The following ZNF25 variants were observed in gnomAD, a reference collection of about 807,000 sequenced individuals.
ZNF25 encodes zinc finger protein 25, also known as zinc finger protein 25 (KOX 19).
ZNF25 carries 21 observed loss-of-function variants against 30.9 expected under a neutral mutation model. The ratio of observed to expected loss-of-function variants is 0.68; its 90% CI spans 0.48 to 0.98. The LOEUF (loss-of-function observed/expected upper bound fraction) is 0.98. Ranked by LOEUF, ZNF25 falls within the 50% of genes least tolerant of loss-of-function variation. The pLI, the probability that ZNF25 is intolerant of heterozygous loss-of-function variation, is 0.00. For missense variants in ZNF25, 501 were observed against 529.9 expected (o/e 0.95, Z 0.54); for synonymous variants, 169 against 181.3 (o/e 0.93, Z 0.55).
chr10:37,976,619 C>T lies in ZNF25; in HGVS notation c.-199G>A, dbSNP rs1022293293. The stretch of plus-strand genomic sequence containing the variant: ...CTCTCCCCACCCTAGGGCGTAAGAC[C>T]AAAAAAACGCCAATGCCAGAAAGAA... On this transcript the variant is annotated 5_prime_UTR_variant, in exon 1 of 6. Coordinates refer to ENST00000302609, the MANE Select transcript of ZNF25 (RefSeq NM_145011.4). The T allele has an allele frequency of 6.6e-6, 1 of 152,098 alleles. No individual in the cohort carries two copies. The highest frequency in any genetic ancestry group is 2.4e-5 in the African/African-American group (1 of 41,384). 9.4% of individuals were successfully genotyped at this position (152,098 alleles called of 1,614,324 possible). A position where few individuals can be genotyped will look rare whatever the true frequency, so the allele number is the denominator to read the frequency against.
chr10:37,952,611 GAGA>G lies in ZNF25; in HGVS notation c.884_886del (p.Phe295del). Reference sequence around the variant, plus strand: ...ATGAGTTTTGAGGTGTGAATTCCTAGAGAAGAATTTCCCACATTCCTTACATTT... The same window carrying G: ...ATGAGTTTTGAGGTGTGAATTCCTAGAGAATTTCCCACATTCCTTACATTT... On this transcript the variant is annotated inframe_deletion, in exon 6 of 6. Coordinates refer to ENST00000302609, the MANE Select transcript of ZNF25 (RefSeq NM_145011.4). 1 of 1,612,364 alleles carries G rather than the reference GAGA, an allele frequency of 6.2e-7. No individual in the cohort carries two copies.
intron 2 of ZNF25, among the ~76,000 whole-genome samples, chr10:37,966,741 C>G (rs1437768074): frequency 6.6e-5 from 10 of 152,120 alleles, no homozygotes; most frequent in African/African-American, 2.2e-4. Context: ...TACAATTTCA[C>G]ATGAGATTTG....
rs777456786 is a variant in ZNF25 at position 37,952,780 on chromosome 10, A to G, written c.718T>C (p.Tyr240His). The G allele has an allele frequency of 6.2e-7, 1 of 1,613,838 alleles. No homozygotes were observed. Among genetic ancestry groups the G allele is most frequent in the South Asian group, 1.1e-5 (1 of 91,070 alleles). ...FECTECGKFFYVKAYLMVHQK... is the reference protein window; with the variant it reads ...FECTECGKFFHVKAYLMVHQK... The stretch of plus-strand genomic sequence containing the variant: ...TGTACCATGAGGTATGCCTTCACAT[A>G]GAAGAACTTCCCACATTCAGTACAT... The change falls in exon 6 of 6, where the codon TAT (tyrosine) becomes CAT (histidine). Residue 240 changes from tyrosine to histidine, a missense_variant. By Grantham distance (83) the Tyr-to-His change is moderately conservative. Transcript: ENST00000302609.
chr10:37,953,474 T>G, intron 5 of ZNF25: 1 of 613,084 alleles, frequency 1.6e-6, no homozygotes, highest in Non-Finnish European at 2.8e-6. Flanking sequence ...CATTACTTAA[T>G]TCAGAAGAGT....
At chr10:37,961,719 C>T (rs559435369) in intron 2 of ZNF25, among the ~76,000 whole-genome samples, 5 of 148,778 alleles carry the variant, frequency 3.4e-5, no homozygotes, top group Admixed American at 2.0e-4. Context: ...GTCGGGAGTT[C>T]GAGACCAGCC....
At chr10:37,959,970 A>C (rs2062760551) in intron 2 of ZNF25, among the ~76,000 whole-genome samples, 1 of 151,738 alleles carries the variant, frequency 6.6e-6, no homozygotes, top group African/African-American at 2.4e-5. Flanking sequence ...GCTGGAGTGC[A>C]GGGGCGCGAT....
chr10:37,962,326 C>T (rs930562276), intron 2 of ZNF25, among the ~76,000 whole-genome samples: 6 of 150,964 alleles, frequency 4.0e-5, no homozygotes, highest in African/African-American at 9.8e-5. Flanking sequence ...AAATTTAAAA[C>T]GGACTGCTTA....
chr10:37,961,474 C>T (rs2062866957), intron 2 of ZNF25, among the ~76,000 whole-genome samples: 1 of 152,028 alleles, frequency 6.6e-6, no homozygotes. Context: ...AATTCCATGC[C>T]CTGCCAAATT....
At chr10:37,968,357 A>ATT (rs34698067) in intron 2 of ZNF25, among the ~76,000 whole-genome samples, 36 of 139,730 alleles carry the variant, frequency 2.6e-4, no homozygotes, top group Middle Eastern at 3.4e-3. Flanking sequence ...CACCCGGCCA[A>ATT]TTTTTTTTTT....
chr10:37,966,181 G>A (rs1031747378), intron 2 of ZNF25, among the ~76,000 whole-genome samples: 3 of 152,268 alleles, frequency 2.0e-5, no homozygotes, highest in South Asian at 2.1e-4. Flanking sequence ...CACCTTGGGA[G>A]GCTGAGGTGA....
intron 2 of ZNF25, among the ~76,000 whole-genome samples, chr10:37,960,329 T>C (rs938449742): frequency 2.6e-5 from 4 of 151,434 alleles, no homozygotes; most frequent in African/African-American, 9.7e-5. Flanking sequence ...AAGGAAGCTG[T>C]GGGGGCCGGG....
chr10:37,963,817 A>AT (rs2135388896), intron 2 of ZNF25, among the ~76,000 whole-genome samples: 1 of 152,298 alleles, frequency 6.6e-6, no homozygotes, highest in South Asian at 2.1e-4. Context: ...TCTACTAAAA[A>AT]TACAAAAATT....
In ZNF25 at chr10:37,953,694, C is replaced by T. The variant is rs1280823054; in HGVS notation, c.302+1G>A. On this transcript the variant is annotated splice_donor_variant, in intron 5 of 5. Transcript: ENST00000302609. LOFTEE classifies it high-confidence loss of function. ...TCTTAAACATTAATTCTTGAACTTGCCTTGAATTTCCAGCTTGGCTTTCCT... is the reference window on the plus strand; with the variant it reads ...TCTTAAACATTAATTCTTGAACTTGTCTTGAATTTCCAGCTTGGCTTTCCT... The T allele has an allele frequency of 1.2e-6, 2 of 1,613,650 alleles. No individual in the cohort carries two copies. Among genetic ancestry groups the T allele is most frequent in the Non-Finnish European group, 1.7e-6 (2 of 1,179,788 alleles).
rs2062142661 is a variant in ZNF25, at chr10:37,951,510, AC to A, written c.*616del. The A allele has an allele frequency of 6.6e-6, 1 of 152,236 alleles. No homozygotes were observed. The highest frequency in any genetic ancestry group is 1.5e-5 in the Non-Finnish European group (1 of 68,048). The allele number at this position is 152,236 out of a possible 1,614,324, so 9.4% of individuals were successfully genotyped here. A position where few individuals can be genotyped will look rare whatever the true frequency, so the allele number is the denominator to read the frequency against. ...GAGCAATCTCGGCATCAGATCTGCA[AC>A]ATGATTTGTAGTATAACTGTTTCCC... is the stretch of plus-strand genomic sequence containing the variant. On this transcript the variant is annotated 3_prime_UTR_variant, in exon 6 of 6. Coordinates refer to ENST00000302609, the MANE Select transcript of ZNF25 (RefSeq NM_145011.4).
At chr10:37,955,683 ATTTC>A (rs1260031966) in intron 4 of ZNF25, among the ~76,000 whole-genome samples, 1 of 152,072 alleles carries the variant, frequency 6.6e-6, no homozygotes, top group South Asian at 2.1e-4. Flanking sequence ...TATATTTATT[ATTTC>A]TTTTTTTCAT....
At chr10:37,969,340 C>T (rs943819629) in intron 2 of ZNF25, among the ~76,000 whole-genome samples, 1 of 152,104 alleles carries the variant, frequency 6.6e-6, no homozygotes, top group Non-Finnish European at 1.5e-5. Context: ...CAGCATTATT[C>T]ATAATAACCA....
intron 2 of ZNF25, among the ~76,000 whole-genome samples, chr10:37,968,776 T>C (rs1395781617): frequency 1.3e-5 from 2 of 152,180 alleles, no homozygotes; most frequent in East Asian, 3.9e-4. Context: ...CAGGCTTGGA[T>C]GCAGATTATT....
intron 2 of ZNF25, among the ~76,000 whole-genome samples, chr10:37,958,352 T>C (rs1186424698): frequency 6.6e-6 from 1 of 152,148 alleles, no homozygotes. Context: ...GCATGAGAAA[T>C]GGTAAGTTTA....
chr10:37,953,606 G>T (rs1461691419), intron 5 of ZNF25, 89 bp downstream of exon 5: 8 of 1,215,816 alleles, frequency 6.6e-6, no homozygotes, highest in Non-Finnish European at 9.7e-6. Flanking sequence ...CTCACGTTTA[G>T]TATTAACTAG....
Sources: allele counts gnomAD v4.1 joint callset (sites outside exome capture counted in the v4.1 genomes callset), GRCh38; gene constraint gnomAD v4.1.1; transcripts MANE v1.5; gene names NCBI Gene and HGNC (gene_info 2026-07-23, HGNC 2026-07-21).